The following ENAH variants were observed in gnomAD, a reference collection of about 807,000 sequenced individuals.
ENAH encodes ENAH actin regulator.
ENAH carries 23 observed loss-of-function variants against 78.7 expected under a neutral mutation model. The observed-to-expected ratio is 0.29, with a 90% CI of 0.21 to 0.41. The LOEUF (loss-of-function observed/expected upper bound fraction) is 0.41. Among genes scored for constraint, ENAH ranks in the 10% least tolerant of loss-of-function variants. The pLI is 1.00. For synonymous variants in ENAH, 226 were observed against 241.0 expected (o/e 0.94, Z 0.58); for missense variants, 544 against 691.0 (o/e 0.79, Z 2.39).
At chr1:225,545,947 G>C (rs893586447) in intron 3 of ENAH, among the ~76,000 whole-genome samples, 1 of 133,050 alleles carries the variant, frequency 7.5e-6, no homozygotes, top group Non-Finnish European at 1.6e-5. Flanking sequence ...TAAAGACACA[G>C]GGCCTCACTG....
chr1:225,585,342 A>T (rs2096840877), intron 1 of ENAH, among the ~76,000 whole-genome samples: 1 of 152,070 alleles, frequency 6.6e-6, no homozygotes, highest in Non-Finnish European at 1.5e-5. Context: ...ACACAAAAAA[A>T]TTTGCAAGCA....
chr1:225,497,780 C>A lies in ENAH; in HGVS notation c.1708G>T (p.Ala570Ser). The A allele has an allele frequency of 6.2e-7, 1 of 1,612,022 alleles. No individual in the cohort carries two copies. Among genetic ancestry groups the A allele is most frequent in the Non-Finnish European group, 8.5e-7 (1 of 1,178,958 alleles). The change falls in exon 14 of 14, where the codon GCA becomes TCA. Residue 570 changes from alanine (A) to serine (S), a missense_variant. Ala to Ser is a moderately conservative substitution (Grantham distance 99, BLOSUM62 1). This residue lies in a region of ENAH where 97 missense variants were observed against 124.4 expected (regional missense o/e 0.78). Coordinates refer to ENST00000366843, the MANE Select transcript of ENAH (RefSeq NM_018212.6). ...IRQELSKSNTA is the reference protein window; with the variant it reads ...IRQELSKSNTS ...TCTCTCCTTAGTCTGTTCCTCTATG[C>A]AGTATTTGACTTGCTCAGTTCCTGC...
At chr1:225,615,694 G>C (rs1269663304) in intron 1 of ENAH, among the ~76,000 whole-genome samples, 1 of 143,144 alleles carries the variant, frequency 7.0e-6, no homozygotes, top group Non-Finnish European at 1.5e-5. Context: ...GCCCAGCCGC[G>C]ACCCCGTCTG....
chr1:225,530,495 G>T, intron 4 of ENAH, 59 bp downstream of exon 4: 1 of 1,326,618 alleles, frequency 7.5e-7, no homozygotes, highest in Non-Finnish European at 1.1e-6. Flanking sequence ...AACACAGGAT[G>T]TTCAGTTTTG....
At chr1:225,567,982 A>G (rs1433558040) in intron 1 of ENAH, among the ~76,000 whole-genome samples, 1 of 152,180 alleles carries the variant, frequency 6.6e-6, no homozygotes, top group Non-Finnish European at 1.5e-5. Context: ...GTGGCCGCTA[A>G]CAACCAATGG....
intron 1 of ENAH, among the ~76,000 whole-genome samples, chr1:225,623,968 T>C (rs939403843): frequency 1.3e-5 from 2 of 152,182 alleles, no homozygotes; most frequent in Non-Finnish European, 2.9e-5. Context: ...CCCATCTTTG[T>C]GTCTGTGTGT....
At chr1:225,499,374 C>G (rs1177102406) in intron 12 of ENAH, among the ~76,000 whole-genome samples, 1 of 152,104 alleles carries the variant, frequency 6.6e-6, no homozygotes, top group Admixed American at 6.6e-5. Context: ...GGCCCTCCTT[C>G]AAGAACTGCA....
chr1:225,599,576 T>C (rs1438745835), intron 1 of ENAH, among the ~76,000 whole-genome samples: 1 of 151,912 alleles, frequency 6.6e-6, no homozygotes, highest in African/African-American at 2.4e-5. Flanking sequence ...GAGGCTGCGG[T>C]GGGGAGATCA....
At chr1:225,499,155 A>C (rs879686373) in intron 12 of ENAH, among the ~76,000 whole-genome samples, 2 of 152,166 alleles carry the variant, frequency 1.3e-5, no homozygotes, top group African/African-American at 2.4e-5. Flanking sequence ...TTAAATAATT[A>C]AGTTTTAAAA....
chr1:225,626,969 A>C (rs1658064761), intron 1 of ENAH, among the ~76,000 whole-genome samples: 1 of 152,236 alleles, frequency 6.6e-6, no homozygotes, highest in Admixed American at 6.5e-5. Flanking sequence ...ACACAAGTAC[A>C]TATCATATGA....
At chr1:225,612,609 C>CA (rs578106846) in intron 1 of ENAH, among the ~76,000 whole-genome samples, 142 of 151,958 alleles carry the variant, frequency 9.3e-4, no homozygotes, top group African/African-American at 3.2e-3. Context: ...TTTCCCACAG[C>CA]AAAAAAAATT....
At chr1:225,534,862 T>C (rs1200923436) in intron 3 of ENAH, among the ~76,000 whole-genome samples, 1 of 152,228 alleles carries the variant, frequency 6.6e-6, no homozygotes, top group Non-Finnish European at 1.5e-5. Flanking sequence ...TCTCTCTAAT[T>C]TGGGGTGGCT....
chr1:225,521,873 G>C (rs999953426), intron 4 of ENAH, among the ~76,000 whole-genome samples: 6 of 151,866 alleles, frequency 4.0e-5, no homozygotes, highest in Non-Finnish European at 7.4e-5. Context: ...TTGGCTCACT[G>C]CAAGCTCCAC....
rs191982235 is a variant in ENAH at position 225,524,703 on chromosome 1, G to A, written c.435-5138C>T. The A allele has an allele frequency of 4.6e-5, 43 of 932,746 alleles. 1 individual carries two copies. The African/African-American group carries it at 5.9e-4, about 13-fold the overall frequency. The allele number at this position is 932,746 out of a possible 1,614,324, so 57.8% of individuals were successfully genotyped here. Reference sequence around the variant, plus strand: ...TGTTCCAACTGCTCAGTTCTGTGCCGCAATTATTATTCCCCTTTTATAACT... The same window carrying A: ...TGTTCCAACTGCTCAGTTCTGTGCCACAATTATTATTCCCCTTTTATAACT... On this transcript the variant is annotated intron_variant, in intron 4 of 13. Transcript: ENST00000366843.
intron 3 of ENAH, among the ~76,000 whole-genome samples, chr1:225,541,261 C>T (rs530126184): frequency 1.0e-4 from 15 of 147,248 alleles, no homozygotes; most frequent in Admixed American, 6.9e-5. Flanking sequence ...GGTGAAACTC[C>T]GTCTCTACTA....
At chr1:225,601,259 G>A (rs1382184897) in intron 1 of ENAH, among the ~76,000 whole-genome samples, 2 of 152,094 alleles carry the variant, frequency 1.3e-5, no homozygotes, top group South Asian at 2.1e-4. Context: ...GGTGGCTCAC[G>A]CCTGTAATCC....
intron 1 of ENAH, among the ~76,000 whole-genome samples, chr1:225,601,030 A>G (rs1558887277): frequency 6.6e-6 from 1 of 152,226 alleles, no homozygotes; most frequent in Non-Finnish European, 1.5e-5. Context: ...TACATGAAGA[A>G]GAGGCTATAT....
intron 1 of ENAH, among the ~76,000 whole-genome samples, chr1:225,572,383 G>A (rs6665838): frequency 0.033 from 5,040 of 152,184 alleles, 114 homozygotes; most frequent in East Asian, 0.09. Flanking sequence ...GCGATGGGGC[G>A]GTGGTGGGGA....
intron 1 of ENAH, among the ~76,000 whole-genome samples, chr1:225,618,941 G>A (rs1372538507): frequency 1.3e-5 from 2 of 152,146 alleles, no homozygotes; most frequent in African/African-American, 4.8e-5. Context: ...CCCACAATAG[G>A]AGGGCAAAAG....
Sources: gnomAD v4.1 joint callset for allele counts (sites outside exome capture counted in the v4.1 genomes callset) on GRCh38, gnomAD v4.1.1 for gene constraint, gnomAD v4.1.1 regional missense constraint, MANE v1.5 for transcripts, NCBI Gene and HGNC (gene_info 2026-07-23, HGNC 2026-07-21) for gene names.